Variants in WWTR1 observed in about 807,000 individuals in gnomAD.
WWTR1 encodes WW domain-containing transcription regulator protein 1.
In WWTR1, 13 loss-of-function variants were observed where a neutral mutation model predicts 40.1. The observed-to-expected ratio is 0.32, with a 90% CI of 0.21 to 0.52. The LOEUF (loss-of-function observed/expected upper bound fraction) is 0.52, where lower values mean the gene tolerates loss of function less well. Among genes scored for constraint, WWTR1 ranks in the 20% least tolerant of loss-of-function variants. The pLI is 0.97. For missense variants in WWTR1, 436 were observed against 523.1 expected (o/e 0.83, Z 1.63); for synonymous variants, 230 against 210.1 (o/e 1.09, Z -0.82).
At chr3:149,565,003 G>A (rs999161677) in intron 3 of WWTR1, among the ~76,000 whole-genome samples, 2 of 151,926 alleles carry the variant, frequency 1.3e-5, no homozygotes, top group African/African-American at 4.8e-5. Flanking sequence ...CCTGGCCAAC[G>A]TGGTGAAAAC....
chr3:149,722,857 T>C (rs112331329), intron 4 of WWTR1, among the ~76,000 whole-genome samples: 8 of 152,140 alleles, frequency 5.3e-5, no homozygotes, highest in African/African-American at 1.4e-4. Flanking sequence ...AGAATTTATT[T>C]TTGCTTTCTT....
At chr3:149,548,267 A>T (rs1406166546) in intron 3 of WWTR1, among the ~76,000 whole-genome samples, 1 of 152,228 alleles carries the variant, frequency 6.6e-6, no homozygotes, top group Non-Finnish European at 1.5e-5. Flanking sequence ...TGCCTTTTGC[A>T]ACACCAGGAA....
At chr3:149,719,819 AG>A (rs1715714098) in intron 4 of WWTR1, among the ~76,000 whole-genome samples, 1 of 152,204 alleles carries the variant, frequency 6.6e-6, no homozygotes, top group Non-Finnish European at 1.5e-5. Context: ...AAGGGTGTCC[AG>A]GTGGCTCTCA....
intron 6 of WWTR1, among the ~76,000 whole-genome samples, chr3:149,524,283 G>C (rs1400693897): frequency 1.3e-5 from 2 of 149,984 alleles, no homozygotes; most frequent in Non-Finnish European, 3.0e-5. Context: ...ACCCACTTGA[G>C]GTTATTTTAA....
intron 3 of WWTR1, among the ~76,000 whole-genome samples, chr3:149,544,732 T>G (rs1276558253): frequency 1.3e-5 from 2 of 152,160 alleles, no homozygotes; most frequent in Admixed American, 1.3e-4. Context: ...TGCTGAAGCC[T>G]CAGAGCAACC....
chr3:149,554,184 T>G (rs1736726738), intron 3 of WWTR1, among the ~76,000 whole-genome samples: 1 of 152,186 alleles, frequency 6.6e-6, no homozygotes, highest in South Asian at 2.1e-4. Flanking sequence ...TGAGAATAAC[T>G]GCAAGGAAAT....
intron 1 of WWTR1, among the ~76,000 whole-genome samples, chr3:149,674,585 TAA>T (rs892481786): frequency 7.0e-6 from 1 of 142,068 alleles, no homozygotes; most frequent in African/African-American, 2.6e-5. Flanking sequence ...AGATTCCATC[TAA>T]AAAAAAAAAA....
intron 4 of WWTR1, among the ~76,000 whole-genome samples, chr3:149,540,455 G>A (rs527677613): frequency 6.6e-6 from 1 of 152,226 alleles, no homozygotes; most frequent in Admixed American, 6.5e-5. Flanking sequence ...AGAGAAGCAA[G>A]TCATTCTTTG....
At chr3:149,582,046 T>A (rs1467641057) in intron 2 of WWTR1, among the ~76,000 whole-genome samples, 25 of 152,054 alleles carry the variant, frequency 1.6e-4, no homozygotes, top group Non-Finnish European at 1.5e-5. Context: ...CACTGTGAAG[T>A]GCCACTTCCC....
intron 4 of WWTR1, among the ~76,000 whole-genome samples, chr3:149,535,419 G>A (rs1018228526): frequency 1.3e-5 from 2 of 151,830 alleles, no homozygotes; most frequent in Admixed American, 6.6e-5. Context: ...TTTTTAATTC[G>A]GTGCCAAGGG....
At chr3:149,553,640 G>C (rs1368232257) in intron 3 of WWTR1, among the ~76,000 whole-genome samples, 1 of 152,230 alleles carries the variant, frequency 6.6e-6, no homozygotes, top group East Asian at 1.9e-4. Flanking sequence ...TAGAGGCTTT[G>C]TGGGAATAAT....
At chr3:149,567,201 AAAAG>A (rs1174312837) in intron 3 of WWTR1, among the ~76,000 whole-genome samples, 3 of 152,106 alleles carry the variant, frequency 2.0e-5, no homozygotes, top group Admixed American at 6.6e-5. Context: ...GGCAAAAAAA[AAAAG>A]AAAGGAAAAA....
At chr3:149,546,943 C>T (rs1736389436) in intron 3 of WWTR1, among the ~76,000 whole-genome samples, 1 of 152,060 alleles carries the variant, frequency 6.6e-6, no homozygotes, top group Non-Finnish European at 1.5e-5. Flanking sequence ...TGTCTCAACC[C>T]AGGAACCCAC....
rs544744964 is a variant in WWTR1 at position 149,567,213 on chromosome 3, A to G, written c.568+5651T>C. 2.0e-5 allele frequency among the ~76,000 whole-genome samples: 3 copies of G among 152,320 alleles called. No individual in the cohort carries two copies. The South Asian group carries it at 6.2e-4, about 32-fold the overall frequency. Reference sequence around the variant, plus strand: ...AAAGGCAAAAAAAAAAAGAAAGGAAAAAAGCATGACACTTTCTTTTGGTAA... The same window carrying G: ...AAAGGCAAAAAAAAAAAGAAAGGAAGAAAGCATGACACTTTCTTTTGGTAA... On this transcript the variant is annotated intron_variant, in intron 3 of 6. Coordinates refer to ENST00000360632, the MANE Select transcript of WWTR1 (RefSeq NM_015472.6).
intron 3 of WWTR1, among the ~76,000 whole-genome samples, chr3:149,569,988 A>G (rs544169350): frequency 2.0e-5 from 3 of 152,274 alleles, no homozygotes; most frequent in African/African-American, 7.2e-5. Flanking sequence ...TGCTCTTTTT[A>G]TTTTTATATG....
At chr3:149,653,164 G>A (rs753551639) in intron 2 of WWTR1, among the ~76,000 whole-genome samples, 2 of 152,190 alleles carry the variant, frequency 1.3e-5, no homozygotes, top group East Asian at 3.8e-4. Context: ...GAATGTTTGC[G>A]AAAGAGTAAA....
intron 1 of WWTR1, among the ~76,000 whole-genome samples, chr3:149,688,497 A>G (rs1400226198): frequency 6.6e-6 from 1 of 152,192 alleles, no homozygotes; most frequent in African/African-American, 2.4e-5. Flanking sequence ...TAATCCAGGG[A>G]ATCCTCCCAG....
intron 6 of WWTR1, among the ~76,000 whole-genome samples, chr3:149,523,057 C>A (rs535613158): frequency 1.7e-5 from 2 of 116,446 alleles, no homozygotes; most frequent in East Asian, 2.0e-4. Context: ...CAGAATGAGA[C>A]CCCGTATTAA....
chr3:149,671,236 G>A (rs7612150), intron 1 of WWTR1, among the ~76,000 whole-genome samples: 30,325 of 151,726 alleles, frequency 0.2, 3,291 homozygotes, highest in Admixed American at 0.3. Context: ...CAGAAGAAAC[G>A]GGTCTACACC....
Sources: allele counts gnomAD v4.1 joint callset (sites outside exome capture counted in the v4.1 genomes callset), GRCh38; gene constraint gnomAD v4.1.1; transcripts MANE v1.5; gene names NCBI Gene and HGNC (gene_info 2026-07-23, HGNC 2026-07-21).